Variants in POU6F2 observed in about 807,000 individuals in gnomAD.
The protein encoded by POU6F2 is POU class 6 homeobox 2.
A neutral mutation model predicts 71.3 loss-of-function variants in POU6F2; 31 were observed. The observed-to-expected ratio is 0.43, with a 90% CI of 0.33 to 0.59. The LOEUF (loss-of-function observed/expected upper bound fraction) is 0.59, where lower values mean the gene tolerates loss of function less well. Ranked by LOEUF, POU6F2 falls within the 20% of genes least tolerant of loss-of-function variation. The pLI is 0.04. For synonymous variants in POU6F2, 347 were observed against 355.7 expected, an observed-to-expected ratio of 0.98 and a Z score of 0.27; for missense variants, 783 against 856.8, an observed-to-expected ratio of 0.91 and a Z score of 1.07.
chr7:39,313,228 C>G (rs1447167551), intron 4 of POU6F2, among the ~76,000 whole-genome samples: 3 of 152,134 alleles, frequency 2.0e-5, no homozygotes, highest in Admixed American at 6.6e-5. Flanking sequence ...ATCCCCAGAC[C>G]CATCAACCCA....
At chr7:39,316,463 C>T (rs867050369) in intron 4 of POU6F2, among the ~76,000 whole-genome samples, 2 of 152,136 alleles carry the variant, frequency 1.3e-5, no homozygotes, top group African/African-American at 4.8e-5. Context: ...ATCCTAGGAA[C>T]CTAGCTTGCC....
chr7:39,401,595 G>A lies in POU6F2; in HGVS notation c.973-5005G>A, dbSNP rs146004110. Among the ~76,000 whole-genome samples the A allele has an allele frequency of 2.0e-3, 301 of 152,302 alleles. 3 individuals are homozygous for A. The highest frequency in any genetic ancestry group is 6.4e-3 in the African/African-American group (266 of 41,570). On this transcript the variant is annotated intron_variant, in intron 5 of 9. Transcript: ENST00000518318. ...TTAGAAGAATCCCAAGGAACCAAGA[G>A]ACACTTTTTCATACACATAGGAAAA...
Position 39,437,816 on chromosome 7 carries a change from G to A in POU6F2, c.1320+4533G>A, listed in dbSNP as rs541487402. 2.4e-4 allele frequency among the ~76,000 whole-genome samples: 37 copies of A among 152,172 alleles called. No homozygotes were observed. In the South Asian group the frequency reaches 3.7e-3, roughly 15 times the overall value. ...AGCTGTGTCCCAGAGATTCTGGTACGTTGTGTCTTTGTTCTCATTAGTTTC... is the reference window on the plus strand; with the variant it reads ...AGCTGTGTCCCAGAGATTCTGGTACATTGTGTCTTTGTTCTCATTAGTTTC... On this transcript the variant is annotated intron_variant, in intron 7 of 9. Coordinates refer to ENST00000518318, the MANE Select transcript of POU6F2 (RefSeq NM_001370959.1).
chr7:39,456,561 G>T (rs556392227), intron 8 of POU6F2, among the ~76,000 whole-genome samples: 2 of 152,184 alleles, frequency 1.3e-5, no homozygotes, highest in Non-Finnish European at 2.9e-5. Context: ...GTGAAGACAA[G>T]TCCCACAGGT....
chr7:39,437,630 T>G (rs1288251529), intron 7 of POU6F2, among the ~76,000 whole-genome samples: 3 of 152,186 alleles, frequency 2.0e-5, no homozygotes, highest in Non-Finnish European at 4.4e-5. Flanking sequence ...CCTTCAAATC[T>G]TCTCTGATCT....
At chr7:39,359,426 A>G (rs1786328889) in intron 5 of POU6F2, among the ~76,000 whole-genome samples, 2 of 152,184 alleles carry the variant, frequency 1.3e-5, no homozygotes, top group African/African-American at 4.8e-5. Context: ...ATTTTATTAT[A>G]AAAGTTTACA....
At chr7:39,075,208 C>T (rs1159299066) in intron 1 of POU6F2, among the ~76,000 whole-genome samples, 1 of 152,122 alleles carries the variant, frequency 6.6e-6, no homozygotes, top group Non-Finnish European at 1.5e-5. Flanking sequence ...ATTTTACCAT[C>T]ATTATAATGT....
intron 8 of POU6F2, among the ~76,000 whole-genome samples, chr7:39,457,048 C>T (rs1788822172): frequency 6.6e-6 from 1 of 152,196 alleles, no homozygotes; most frequent in Non-Finnish European, 1.5e-5. Flanking sequence ...CTTTTCAACT[C>T]TTGTTATTGT....
At chr7:39,091,891 C>T (rs1235191096) in intron 2 of POU6F2, among the ~76,000 whole-genome samples, 3 of 152,208 alleles carry the variant, frequency 2.0e-5, no homozygotes, top group Non-Finnish European at 4.4e-5. Context: ...AGAGAACTGG[C>T]ACTTTCTTTG....
At chr7:39,186,564 A>T (rs1337395346) in intron 2 of POU6F2, among the ~76,000 whole-genome samples, 1 of 152,150 alleles carries the variant, frequency 6.6e-6, no homozygotes, top group Non-Finnish European at 1.5e-5. Context: ...CTCAGCACCA[A>T]CCGAGCCATT....
At chr7:39,453,362 G>A (rs1562558494) in intron 8 of POU6F2, among the ~76,000 whole-genome samples, 2 of 152,012 alleles carry the variant, frequency 1.3e-5, no homozygotes, top group Non-Finnish European at 2.9e-5. Context: ...TCAATATTCT[G>A]TATAAGTTTC....
chr7:39,293,229 A>T (rs1190832313), intron 4 of POU6F2, among the ~76,000 whole-genome samples: 2 of 152,072 alleles, frequency 1.3e-5, no homozygotes, highest in Non-Finnish European at 2.9e-5. Context: ...TCTCCTTGGC[A>T]TGGAATTCGT....
At chr7:39,026,663 A>G (rs1789811411) in intron 1 of POU6F2, among the ~76,000 whole-genome samples, 1 of 152,122 alleles carries the variant, frequency 6.6e-6, no homozygotes, top group South Asian at 2.1e-4. Context: ...TGACGAGTTA[A>G]TGGGTGCAGC....
At chr7:39,334,840 CAG>C (rs1233425154) in intron 4 of POU6F2, among the ~76,000 whole-genome samples, 1 of 152,122 alleles carries the variant, frequency 6.6e-6, no homozygotes, top group Non-Finnish European at 1.5e-5. Context: ...ACAATAAATA[CAG>C]AGTTAGGGAG....
At chr7:39,028,459 A>C (rs1789866151) in intron 1 of POU6F2, among the ~76,000 whole-genome samples, 1 of 152,108 alleles carries the variant, frequency 6.6e-6, no homozygotes, top group African/African-American at 2.4e-5. Flanking sequence ...TTGCTGTCTT[A>C]ATTACTACTG....
intron 4 of POU6F2, among the ~76,000 whole-genome samples, chr7:39,247,496 CAG>C (rs940981389): frequency 1.6e-5 from 2 of 122,456 alleles, no homozygotes; most frequent in Non-Finnish European, 3.5e-5. Flanking sequence ...AAGAAAGAGA[CAG>C]AGAGAGAGAA....
At chr7:39,014,097 T>G (rs1439560722) in intron 1 of POU6F2, among the ~76,000 whole-genome samples, 1 of 152,210 alleles carries the variant, frequency 6.6e-6, no homozygotes, top group Non-Finnish European at 1.5e-5. Flanking sequence ...AAATCAAATA[T>G]GGATGTGGCG....
At chr7:39,431,552 T>A (rs1788101606) in intron 6 of POU6F2, among the ~76,000 whole-genome samples, 1 of 152,180 alleles carries the variant, frequency 6.6e-6, no homozygotes, top group African/African-American at 2.4e-5. Flanking sequence ...AGTGGGAAAT[T>A]GCAAACAAGA....
At chr7:39,237,734 C>G (rs1358996714) in intron 4 of POU6F2, among the ~76,000 whole-genome samples, 1 of 152,142 alleles carries the variant, frequency 6.6e-6, no homozygotes, top group Non-Finnish European at 1.5e-5. Context: ...TCAGCTAGAC[C>G]CGGCCTTGCA....
Sources: gnomAD v4.1 joint callset for allele counts (sites outside exome capture counted in the v4.1 genomes callset) on GRCh38, gnomAD v4.1.1 for gene constraint, MANE v1.5 for transcripts, NCBI Gene and HGNC (gene_info 2026-07-23, HGNC 2026-07-21) for gene names.